ASNS: variants seen among roughly 807,000 people sequenced by gnomAD.
ASNS encodes the protein asparagine synthetase [glutamine-hydrolyzing].
In ASNS, 37 loss-of-function variants were observed where a neutral mutation model predicts 62.6. That is an observed-to-expected ratio of 0.59 (90% CI 0.45 to 0.78). ASNS has a LOEUF of 0.78. Ranked by LOEUF, ASNS falls within the 30% of genes least tolerant of loss-of-function variation. The pLI, the probability that ASNS is intolerant of heterozygous loss-of-function variation, is 0.00. For synonymous variants in ASNS, 207 were observed against 237.9 expected (o/e 0.87, Z 1.19); for missense variants, 520 against 682.4 (o/e 0.76, Z 2.65).
At chr7:97,880,917 G>T in the ASNS span, among the ~76,000 whole-genome samples, 6 of 140,328 alleles carry the variant, frequency 4.3e-5, no homozygotes, top group East Asian at 2.2e-4. Context: ...TTTGGTTTTT[G>T]TGTGTGTGTG....
At chr7:97,896,733 C>CATATATATAT in the ASNS span, among the ~76,000 whole-genome samples, 19 of 26,256 alleles carry the variant, frequency 7.2e-4, no homozygotes, top group East Asian at 2.7e-3. Flanking sequence ...CACACACACA[C>CATATATATAT]ACACACACAT....
At chr7:97,886,186 C>T in the ASNS span, 88 of 265,362 alleles carry the variant, frequency 3.3e-4, no homozygotes, top group African/African-American at 1.5e-3. Context: ...CTTCCTCTGT[C>T]GCCCAGGCTG....
intron 10 of ASNS, among the ~76,000 whole-genome samples, chr7:97,854,324 A>G (rs923922985): frequency 5.3e-5 from 8 of 152,206 alleles, no homozygotes; most frequent in African/African-American, 1.4e-4. Context: ...CTCCACCTCA[A>G]ACAACCTATG....
chr7:97,875,170 G>A (rs1792411999), upstream of ASNS, among the ~76,000 whole-genome samples: 1 of 152,186 alleles, frequency 6.6e-6, no homozygotes, highest in South Asian at 2.1e-4. Context: ...TTTTGAGACA[G>A]GGTCTCACTC....
At chr7:97,887,422 C>T in the ASNS span, among the ~76,000 whole-genome samples, 1 of 152,240 alleles carries the variant, frequency 6.6e-6, no homozygotes, top group Non-Finnish European at 1.5e-5. Context: ...ATCCAAGACT[C>T]TGTCATTTGT....
At chr7:97,860,141 G>C (rs1287732065) in intron 4 of ASNS, among the ~76,000 whole-genome samples, 1 of 152,112 alleles carries the variant, frequency 6.6e-6, no homozygotes, top group Non-Finnish European at 1.5e-5. Context: ...ACCAGAAAAA[G>C]GACCCAGATT....
At chr7:97,926,295 A>G in the ASNS span, among the ~76,000 whole-genome samples, 1 of 152,144 alleles carries the variant, frequency 6.6e-6, no homozygotes, top group Admixed American at 6.6e-5. Context: ...CCTTAAAAGC[A>G]TCTGAATGCC....
At chr7:97,900,360 CAAAAAAAAAAAAAAA>C in the ASNS span, among the ~76,000 whole-genome samples, 1 of 89,384 alleles carries the variant, frequency 1.1e-5, no homozygotes, top group South Asian at 4.1e-4. Context: ...GACTTTGTCT[CAAAAAAAAAAAAAAA>C]AAAAAAAAAC....
rs797045307 is a variant in ASNS, at chr7:97,864,267, TC to T, written c.478del (p.Glu160LysfsTer8). ...TEDGFLAVCS[E>X]AKGLVTLKHS... is the part of the protein sequence containing the mutation. The stretch of plus-strand genomic sequence containing the variant: ...GAAAAATTTATTATTACCTTTAGCT[TC>T]TGAACATACAGCCAAAAATCCATCT... On this transcript the variant is annotated frameshift_variant, in exon 4 of 13. Transcript: ENST00000394308. LOFTEE classifies it high-confidence loss of function. The T allele has an allele frequency of 1.4e-5, 22 of 1,612,858 alleles. No homozygotes were observed. Among genetic ancestry groups the T allele is most frequent in the Non-Finnish European group, 1.9e-5 (22 of 1,179,218 alleles).
At chr7:97,857,652 G>T (rs12669125) in intron 7 of ASNS, among the ~76,000 whole-genome samples, 62,682 of 144,928 alleles carry the variant, frequency 0.43, 13,874 homozygotes, top group African/African-American at 0.56. Flanking sequence ...CAAAAAACCC[G>T]TTTTTTTAAT....
chr7:97,911,514 C>T, the ASNS span, among the ~76,000 whole-genome samples: 5 of 149,710 alleles, frequency 3.3e-5, no homozygotes, highest in African/African-American at 1.2e-4. Flanking sequence ...TGGTGGTGTG[C>T]ACCTGCAGTC....
chr7:97,887,553 G>A, the ASNS span, among the ~76,000 whole-genome samples: 7 of 152,204 alleles, frequency 4.6e-5, no homozygotes. Context: ...AACTTGGAAA[G>A]TGTGCATTCA....
At chr7:97,899,372 C>T in the ASNS span, among the ~76,000 whole-genome samples, 1 of 152,200 alleles carries the variant, frequency 6.6e-6, no homozygotes, top group African/African-American at 2.4e-5. Flanking sequence ...ATCCTCCCAC[C>T]ACAGCCTCCC....
At chr7:97,872,059 T>C (rs1237952034) in intron 1 of ASNS, 2 of 152,288 alleles carry the variant, frequency 1.3e-5, no homozygotes, top group African/African-American at 2.4e-5. Flanking sequence ...AAACTGCCGC[T>C]GCCTCCTCTC....
chr7:97,917,850 A>C, the ASNS span, among the ~76,000 whole-genome samples: 9 of 152,336 alleles, frequency 5.9e-5, no homozygotes, highest in East Asian at 1.7e-3. Flanking sequence ...CTGACTGCGC[A>C]CAAGGCCGGC....
chr7:97,860,382 T>C (rs539798891), intron 4 of ASNS, among the ~76,000 whole-genome samples: 6 of 152,322 alleles, frequency 3.9e-5, no homozygotes, highest in African/African-American at 1.4e-4. Context: ...AGAGGGTAAG[T>C]TCCATATCAA....
the ASNS span, among the ~76,000 whole-genome samples, chr7:97,881,505 C>T: frequency 1.3e-5 from 2 of 151,736 alleles, no homozygotes; most frequent in Non-Finnish European, 2.9e-5. Context: ...GGGCCTTTCA[C>T]ATAAATGGAA....
the ASNS span, among the ~76,000 whole-genome samples, chr7:97,918,470 G>A: frequency 6.6e-6 from 1 of 152,142 alleles, no homozygotes; most frequent in African/African-American, 2.4e-5. Context: ...GAAGCGTGGT[G>A]CATCCACACG....
the ASNS span, among the ~76,000 whole-genome samples, chr7:97,878,018 G>A: frequency 6.4e-4 from 97 of 152,312 alleles, no homozygotes; most frequent in African/African-American, 2.2e-3. Context: ...AGATGATCAC[G>A]GATGAGAGCA....
Sources: gnomAD v4.1 joint callset for allele counts (sites outside exome capture counted in the v4.1 genomes callset) on GRCh38, gnomAD v4.1.1 for gene constraint, MANE v1.5 for transcripts, NCBI Gene and HGNC (gene_info 2026-07-23, HGNC 2026-07-21) for gene names.